The following ORC3 variants were observed in gnomAD, a reference collection of about 807,000 sequenced individuals.
ORC3 encodes the protein origin recognition complex subunit 3, also known as homolog of latheo, Drosophila.
In ORC3, 78 loss-of-function variants were observed where a neutral mutation model predicts 100.7. That is an observed-to-expected ratio of 0.77 (90% CI 0.65 to 0.94). ORC3 has a LOEUF of 0.94. Ranked by LOEUF, ORC3 falls within the 40% of genes least tolerant of loss-of-function variation. The pLI is 0.00. For synonymous variants in ORC3, 295 were observed against 289.3 expected, an observed-to-expected ratio of 1.02 and a Z score of -0.20; for missense variants, 789 against 823.9, an observed-to-expected ratio of 0.96 and a Z score of 0.52.
chr6:87,639,210 C>G (rs1353955240), intron 13 of ORC3, among the ~76,000 whole-genome samples: 2 of 152,090 alleles, frequency 1.3e-5, no homozygotes, highest in African/African-American at 4.8e-5. Flanking sequence ...ATAAGGGATA[C>G]TCAATCTGTA....
intron 13 of ORC3, among the ~76,000 whole-genome samples, chr6:87,647,261 C>T (rs551342029): frequency 2.0e-5 from 3 of 152,346 alleles, no homozygotes; most frequent in Non-Finnish European, 4.4e-5. Flanking sequence ...CCTCTCCCCA[C>T]ATGGCCTCTC....
intron 11 of ORC3, among the ~76,000 whole-genome samples, chr6:87,626,514 G>C (rs1029014104): frequency 1.3e-5 from 2 of 152,160 alleles, no homozygotes; most frequent in African/African-American, 4.8e-5. Context: ...GGCTGGGTGT[G>C]GTGGCCCATG....
At chr6:87,603,307 C>A in intron 3 of ORC3, 77 bp from the exon 4 acceptor site, 1 of 759,978 alleles carries the variant, frequency 1.3e-6, no homozygotes, top group Non-Finnish European at 2.0e-6. Flanking sequence ...GAATCCATGA[C>A]AATTTTCTTT....
At chr6:87,607,922 T>C in intron 6 of ORC3, 98 bp downstream of exon 6, 1 of 732,392 alleles carries the variant, frequency 1.4e-6, no homozygotes, top group Non-Finnish European at 2.1e-6. Context: ...AACAAGGATA[T>C]GTTTCTGCAG....
chr6:87,646,094 C>T (rs1768762752), intron 13 of ORC3, among the ~76,000 whole-genome samples: 1 of 148,564 alleles, frequency 6.7e-6, no homozygotes, highest in Non-Finnish European at 1.5e-5. Context: ...TCACGCCATT[C>T]TCCTGCCTTA....
intron 11 of ORC3, among the ~76,000 whole-genome samples, chr6:87,623,259 A>C (rs2128266660): frequency 6.6e-6 from 1 of 152,360 alleles, no homozygotes; most frequent in East Asian, 1.9e-4. Flanking sequence ...ACTGGGCCGT[A>C]ATATAAAGTC....
chr6:87,643,211 A>C (rs2128282993), intron 13 of ORC3, among the ~76,000 whole-genome samples: 1 of 152,242 alleles, frequency 6.6e-6, no homozygotes, highest in South Asian at 2.1e-4. Context: ...TAATCCCAGC[A>C]CTTTGGGAGG....
At position 87,644,079 on chromosome 6, in the gene ORC3, C is replaced by CTTTTTTTTT. The variant is rs1156943778; in HGVS notation, c.1382+7616_1382+7624dup. 2.8e-3 allele frequency among the ~76,000 whole-genome samples: 143 copies of CTTTTTTTTT among 51,410 alleles called. 14 individuals are homozygous for CTTTTTTTTT. Among genetic ancestry groups the CTTTTTTTTT allele is most frequent in the East Asian group, 5.3e-3 (7 of 1,326 alleles). The allele number at this position is 51,410 out of a possible 152,430, so 33.7% of individuals were successfully genotyped here. A position where few individuals can be genotyped will look rare whatever the true frequency, so the allele number is the denominator to read the frequency against. On this transcript the variant is annotated intron_variant, in intron 13 of 19. Coordinates refer to ENST00000392844, the MANE Select transcript of ORC3 (RefSeq NM_012381.4). ...CCACAGATACAGATGGCTGACTGTCCTTTTTTTTTTTTTTTTTTTTTTTTT... is the reference window on the plus strand; with the variant it reads ...CCACAGATACAGATGGCTGACTGTCCTTTTTTTTTTTTTTTTTTTTTTTTTTTTTTTTTT...
chr6:87,629,208 T>C (rs955497698), intron 11 of ORC3, among the ~76,000 whole-genome samples: 2 of 152,156 alleles, frequency 1.3e-5, no homozygotes, highest in Non-Finnish European at 2.9e-5. Flanking sequence ...AATGAGAAAA[T>C]TCTGTGTTCT....
At chr6:87,644,454 C>G (rs563581476) in intron 13 of ORC3, among the ~76,000 whole-genome samples, 1 of 151,910 alleles carries the variant, frequency 6.6e-6, no homozygotes, top group Non-Finnish European at 1.5e-5. Flanking sequence ...TGCCTATAAT[C>G]CCAGCACTTT....
rs759224108 is a variant in ORC3, at chr6:87,601,844, A to T, written c.140A>T (p.Tyr47Phe). Residue 47 changes from tyrosine to phenylalanine, a missense_variant, in exon 3 of 20, where the codon TAT (tyrosine) becomes TTT (phenylalanine). Around this residue, in one of 3 missense-constraint regions of ORC3, gnomAD observed 399 missense variants for 382.0 expected, o/e 1.04. Transcript: ENST00000392844. ...GACAGTAAGCTTCGATTCGAAACTTATCAGTTGATATGGCAGCAGATGAAA... is the reference window on the plus strand; with the variant it reads ...GACAGTAAGCTTCGATTCGAAACTTTTCAGTTGATATGGCAGCAGATGAAA... ...PEDSKLRFET[Y>F]QLIWQQMKSE... The T allele has an allele frequency of 6.8e-6, 11 of 1,610,828 alleles. No homozygotes were observed. Among genetic ancestry groups the T allele is most frequent in the Non-Finnish European group, 9.3e-6 (11 of 1,176,976 alleles).
intron 13 of ORC3, among the ~76,000 whole-genome samples, chr6:87,637,789 A>G (rs1311733885): frequency 2.6e-5 from 4 of 152,248 alleles, no homozygotes; most frequent in Non-Finnish European, 5.9e-5. Context: ...AAGTAGGGTA[A>G]GGAAACATGA....
intron 9 of ORC3, among the ~76,000 whole-genome samples, chr6:87,617,473 G>T (rs1332869404): frequency 2.0e-5 from 3 of 152,166 alleles, no homozygotes; most frequent in East Asian, 1.9e-4. Flanking sequence ...GGTGGCTCAT[G>T]CGTATAATCC....
At chr6:87,648,688 T>C (rs1363940333) in intron 13 of ORC3, among the ~76,000 whole-genome samples, 1 of 152,226 alleles carries the variant, frequency 6.6e-6, no homozygotes, top group Admixed American at 6.5e-5. Context: ...TTGTATCAAA[T>C]GACACTTGAT....
At chr6:87,621,245 C>A in intron 9 of ORC3, 109 bp from the exon 10 acceptor site, 1 of 660,866 alleles carries the variant, frequency 1.5e-6, no homozygotes, top group Non-Finnish European at 2.4e-6. Flanking sequence ...ATATTAGTGC[C>A]ATAAATACTT....
intron 13 of ORC3, among the ~76,000 whole-genome samples, chr6:87,643,195 C>G (rs988589663): frequency 1.3e-5 from 2 of 151,976 alleles, no homozygotes; most frequent in East Asian, 3.9e-4. Context: ...AGGTGGCTCA[C>G]GCCTGTAATC....
rs1359199708 is a variant in ORC3, at chr6:87,653,209, G to C, written c.1476G>C (p.Lys492Asn). ...YCENHLGSTA[K>N]RIEEFLAQFQ... ...AAAACCACCTTGGCAGCACAGCTAA[G>C]AGAATAGAGGAGTTCCTGGCCCAGT... The change falls in exon 14 of 20, where the codon AAG becomes AAC. Residue 492 changes from lysine (K) to asparagine (N), a missense_variant. By Grantham distance (94) the Lys-to-Asn change is moderately conservative. Coordinates refer to ENST00000392844, the MANE Select transcript of ORC3 (RefSeq NM_012381.4). 1 of 1,613,840 alleles carries C rather than the reference G, an allele frequency of 6.2e-7. No homozygotes were observed. The highest frequency in any genetic ancestry group is 8.5e-7 in the Non-Finnish European group (1 of 1,179,896).
At chr6:87,634,273 C>T (rs1481244981) in intron 11 of ORC3, among the ~76,000 whole-genome samples, 2 of 151,756 alleles carry the variant, frequency 1.3e-5, no homozygotes, top group East Asian at 3.9e-4. Context: ...CAAATAAAAC[C>T]AGTATTGGAG....
chr6:87,625,630 C>T (rs2128269259), intron 11 of ORC3, among the ~76,000 whole-genome samples: 1 of 152,208 alleles, frequency 6.6e-6, no homozygotes, highest in Non-Finnish European at 1.5e-5. Context: ...AATTTTCTCC[C>T]ATTTTGTAGG....
Sources: allele counts gnomAD v4.1 joint callset (sites outside exome capture counted in the v4.1 genomes callset), GRCh38; gene constraint gnomAD v4.1.1; regional missense constraint gnomAD v4.1.1; transcripts MANE v1.5; gene names NCBI Gene and HGNC (gene_info 2026-07-23, HGNC 2026-07-21).